NAXD: variants seen among roughly 807,000 people sequenced by gnomAD.
NAXD encodes ATP-dependent (S)-NAD(P)H-hydrate dehydratase.
Under a neutral mutation model 35.8 loss-of-function variants are expected in NAXD, and 22 were observed. The observed-to-expected ratio is 0.62, with a 90% CI of 0.44 to 0.88. The LOEUF (loss-of-function observed/expected upper bound fraction) is 0.88, where lower values mean the gene tolerates loss of function less well. Ranked by LOEUF, NAXD falls within the 40% of genes least tolerant of loss-of-function variation. The pLI is 0.00. For missense variants in NAXD, 428 were observed against 437.7 expected (o/e 0.98, Z 0.20); for synonymous variants, 189 against 177.6 (o/e 1.06, Z -0.51).
Position 110,628,903 on chromosome 13 carries a change from C to G in NAXD, c.441+1356C>G, listed in dbSNP as rs925397810. ...GTTATTTTCTTTGTGAATTTAAGTT[C>G]ACAATTTAAAAACTGGTATCTTAAA... On this transcript the variant is annotated intron_variant, in intron 5 of 9. Transcript: ENST00000680254. The surrounding 1 kb of genome is among the most constrained non-coding windows in gnomAD (Gnocchi z 4.1). Among the ~76,000 whole-genome samples the G allele has an allele frequency of 6.6e-6, 1 of 152,126 alleles. No individual in the cohort carries two copies. Among genetic ancestry groups the G allele is most frequent in the Non-Finnish European group, 1.5e-5 (1 of 68,028 alleles).
At chr13:110,620,088 T>C (rs1038085228) in intron 1 of NAXD, among the ~76,000 whole-genome samples, 2 of 151,754 alleles carry the variant, frequency 1.3e-5, no homozygotes, top group African/African-American at 4.8e-5. Context: ...GGGGAGCCAC[T>C]GCGCCTGGCC....
chr13:110,621,031 G>A (rs1046214039), intron 1 of NAXD, among the ~76,000 whole-genome samples: 2 of 152,208 alleles, frequency 1.3e-5, no homozygotes, highest in Non-Finnish European at 2.9e-5. Flanking sequence ...AAGGCCAATT[G>A]AAGTGTAGCT....
Position 110,624,215 on chromosome 13 carries a change from C to T in NAXD, c.198-19C>T. On this transcript the variant is annotated intron_variant, in intron 2 of 9. Coordinates refer to ENST00000680254, the MANE Select transcript of NAXD (RefSeq NM_001242882.2). ...ACCTTATTCTCAGAAGTTTTTGACTCTAAATACCTTCTTTTTAGGTACACT... is the reference window on the plus strand; with the variant it reads ...ACCTTATTCTCAGAAGTTTTTGACTTTAAATACCTTCTTTTTAGGTACACT... 6.3e-7 allele frequency: 1 copy of T among 1,577,280 alleles called. No homozygotes were observed. Among genetic ancestry groups the T allele is most frequent in the Non-Finnish European group, 8.7e-7 (1 of 1,149,312 alleles).
chr13:110,621,319 A>C (rs764962458), intron 1 of NAXD, among the ~76,000 whole-genome samples: 4 of 152,180 alleles, frequency 2.6e-5, no homozygotes, highest in Admixed American at 1.3e-4. Context: ...GTAATAATGC[A>C]TTTTTTTACT....
At chr13:110,630,352 G>A (rs1886656669) in intron 5 of NAXD, among the ~76,000 whole-genome samples, 1 of 152,108 alleles carries the variant, frequency 6.6e-6, no homozygotes, top group Admixed American at 6.6e-5. Context: ...CTTTGGAGAA[G>A]TGTCTATTCA....
intron 9 of NAXD, chr13:110,637,846 A>T (rs1173349532): frequency 2.1e-6 from 1 of 471,142 alleles, no homozygotes; most frequent in Non-Finnish European, 4.2e-6. Flanking sequence ...ATGTGTCCTC[A>T]TTGCCGGGAT....
At chr13:110,625,303 C>G in intron 4 of NAXD, 25 bp downstream of exon 4, 1 of 1,520,996 alleles carries the variant, frequency 6.6e-7, no homozygotes, top group Non-Finnish European at 9.1e-7. Context: ...GCCGGCTTCT[C>G]GTAGGTTCTC....
At chr13:110,633,962 G>A (rs1886820897) in intron 5 of NAXD, among the ~76,000 whole-genome samples, 1 of 152,304 alleles carries the variant, frequency 6.6e-6, no homozygotes, top group Admixed American at 6.5e-5. Context: ...TTGGAGAACT[G>A]GATGCCCTTG....
intron 1 of NAXD, among the ~76,000 whole-genome samples, chr13:110,619,973 A>ATTT (rs1294958794): frequency 6.6e-6 from 1 of 151,858 alleles, no homozygotes; most frequent in Admixed American, 6.6e-5. Context: ...TAATTTTTGT[A>ATTT]TTTTTAGTAG....
chr13:110,617,984 C>T (rs1046806650), intron 1 of NAXD, among the ~76,000 whole-genome samples: 1 of 152,126 alleles, frequency 6.6e-6, no homozygotes, highest in Non-Finnish European at 1.5e-5. Context: ...CCACATTCCT[C>T]GTGGGCAGGC....
At chr13:110,620,990 T>A (rs1348333602) in intron 1 of NAXD, among the ~76,000 whole-genome samples, 1 of 152,200 alleles carries the variant, frequency 6.6e-6, no homozygotes, top group East Asian at 1.9e-4. Flanking sequence ...AATATTAAGG[T>A]AAAATATATA....
At chr13:110,630,396 C>CT (rs919683974) in intron 5 of NAXD, among the ~76,000 whole-genome samples, 61 of 151,934 alleles carry the variant, frequency 4.0e-4, no homozygotes, top group African/African-American at 1.2e-3. Context: ...TGTTTTTTGC[C>CT]TTTTTTTTAT....
chr13:110,637,870 ACC>A, intron 9 of NAXD: 2 of 479,902 alleles, frequency 4.2e-6, no homozygotes, highest in Non-Finnish European at 8.2e-6. Flanking sequence ...AGAGTCTGGG[ACC>A]ATCCCCCAAA....
rs376122865 is a variant in NAXD at position 110,634,665 on chromosome 13, T to G, written c.493-7T>G. 2.9e-4 allele frequency: 476 copies of G among 1,614,156 alleles called. 4 individuals are homozygous for G. The South Asian group carries it at 4.8e-3, about 16-fold the overall frequency. Reference sequence around the variant, plus strand: ...GTGCAGTGAGCACGGCTCCTTGTTCTGTGCAGGATGGCCTGTGGCTGGTCG... The same window carrying G: ...GTGCAGTGAGCACGGCTCCTTGTTCGGTGCAGGATGGCCTGTGGCTGGTCG... On this transcript the variant is annotated splice_region_variant and splice_polypyrimidine_tract_variant and intron_variant, in intron 6 of 9. Transcript: ENST00000680254.
Position 110,634,768 on chromosome 13 carries a change from G to A in NAXD, c.589G>A (p.Asp197Asn). Residue 197 changes from aspartate to asparagine, a missense_variant, in exon 7 of 10, where the codon GAC becomes AAC. Asp to Asn is a conservative substitution (Grantham distance 23). Transcript: ENST00000680254. ...CCACGTGGAGTTCAGCAGACTGTATGACGCTGTGGTGAGTCAGTGGACCCC... is the reference window on the plus strand; with the variant it reads ...CCACGTGGAGTTCAGCAGACTGTATAACGCTGTGGTGAGTCAGTGGACCCC... ...PNHVEFSRLYDAVLRGPMDSD... is the reference protein window; with the variant it reads ...PNHVEFSRLYNAVLRGPMDSD... 1 of 1,612,930 alleles carries A rather than the reference G, an allele frequency of 6.2e-7. No individual in the cohort carries two copies. Among genetic ancestry groups the A allele is most frequent in the Non-Finnish European group, 8.5e-7 (1 of 1,179,102 alleles).
In NAXD at chr13:110,624,221, A is replaced by T; in HGVS notation, c.198-13A>T. On this transcript the variant is annotated splice_polypyrimidine_tract_variant and intron_variant, in intron 2 of 9. Coordinates refer to ENST00000680254, the MANE Select transcript of NAXD (RefSeq NM_001242882.2). ...TTCTCAGAAGTTTTTGACTCTAAAT[A>T]CCTTCTTTTTAGGTACACTGGAGCC... The T allele has an allele frequency of 6.3e-7, 1 of 1,587,924 alleles. No individual in the cohort carries two copies.
At chr13:110,637,678 A>G in intron 9 of NAXD, 1 of 435,036 alleles carries the variant, frequency 2.3e-6, no homozygotes, top group Non-Finnish European at 4.6e-6. Flanking sequence ...CCCTTGGCCC[A>G]GTTCTGTAGT....
rs1029816571 is a variant in NAXD at position 110,629,125 on chromosome 13, C to T, written c.441+1578C>T. 5.3e-5 allele frequency among the ~76,000 whole-genome samples: 8 copies of T among 152,226 alleles called. No individual in the cohort carries two copies. In the East Asian group the frequency reaches 7.7e-4, roughly 15 times the overall value. On this transcript the variant is annotated intron_variant, in intron 5 of 9. Coordinates refer to ENST00000680254, the MANE Select transcript of NAXD (RefSeq NM_001242882.2). ...CGTGTCTGGTGCGGAGCAGAGGCTT[C>T]CTACTTCGTCGACGTTCCTGAATGA...
chr13:110,618,784 GT>G (rs1886154024), intron 1 of NAXD, among the ~76,000 whole-genome samples: 1 of 152,202 alleles, frequency 6.6e-6, no homozygotes, highest in South Asian at 2.1e-4. Context: ...AAGCCTGTAG[GT>G]TTTAAGCGTA....
Sources: gnomAD v4.1 joint callset for allele counts (sites outside exome capture counted in the v4.1 genomes callset) on GRCh38, gnomAD v4.1.1 for gene constraint, Gnocchi (gnomAD v3.1) non-coding constraint, MANE v1.5 for transcripts, NCBI Gene and HGNC (gene_info 2026-07-23, HGNC 2026-07-21) for gene names.